BRWD3: variants seen among roughly 807,000 people sequenced by gnomAD.
The protein encoded by BRWD3 is bromodomain and WD repeat domain containing 3, also known as bromodomain and WD repeat-containing protein 3.
Under a neutral mutation model 149.7 loss-of-function variants are expected in BRWD3, and 10 were observed. The ratio of observed to expected loss-of-function variants is 0.07; its 90% CI spans 0.04 to 0.11. The LOEUF is 0.11. Ranked by LOEUF, BRWD3 falls within the 10% of genes least tolerant of loss-of-function variation. BRWD3 has a pLI of 1.00. For missense variants in BRWD3, 940 were observed against 1,373.2 expected, an observed-to-expected ratio of 0.68 and a Z score of 4.99; for synonymous variants, 504 against 456.7, an observed-to-expected ratio of 1.10 and a Z score of -1.32.
chrX:80,715,555 C>T (rs2073064119), intron 20 of BRWD3, among the ~76,000 whole-genome samples: 2 of 111,900 alleles, frequency 1.8e-5, no homozygotes, highest in Admixed American at 1.9e-4. Flanking sequence ...ATATACAGAT[C>T]ATATTTTGCT....
intron 4 of BRWD3, among the ~76,000 whole-genome samples, chrX:80,800,284 G>A: frequency 9.7e-6 from 1 of 103,591 alleles, no homozygotes; most frequent in Admixed American, 1.1e-4. Flanking sequence ...AAAACCCCAG[G>A]GTACAGTGGC....
Position 80,793,604 on chromosome X carries a change from A to G in BRWD3, c.331+18T>C, listed in dbSNP as rs1227575546. On this transcript the variant is annotated intron_variant, in intron 5 of 40. Transcript: ENST00000373275. Reference sequence around the variant, plus strand: ...CTCCTTCCTCTGATATCACAGTCCTAAATTCTGAAAATCTCACCTTTGGCA... The same window carrying G: ...CTCCTTCCTCTGATATCACAGTCCTGAATTCTGAAAATCTCACCTTTGGCA... 1.7e-6 allele frequency: 2 copies of G among 1,203,734 alleles called. No individual in the cohort carries two copies. The highest frequency in any genetic ancestry group is 1.8e-5 in the South Asian group (1 of 56,579).
chrX:80,701,659 T>G (rs1602322430), intron 24 of BRWD3, among the ~76,000 whole-genome samples: 1 of 105,572 alleles, frequency 9.5e-6, no homozygotes, highest in African/African-American at 3.5e-5. Context: ...ACTCTACCAA[T>G]CAATACTAGG....
At chrX:80,724,864 A>C in intron 15 of BRWD3, 69 bp downstream of exon 15, 1 of 1,146,259 alleles carries the variant, frequency 8.7e-7, no homozygotes, top group Non-Finnish European at 1.2e-6. Context: ...GGTATACTTT[A>C]ATTAACCAAG....
intron 35 of BRWD3, among the ~76,000 whole-genome samples, chrX:80,685,874 T>C (rs1254858711): frequency 9.0e-6 from 1 of 111,653 alleles, no homozygotes; most frequent in Non-Finnish European, 1.9e-5. Context: ...ATTTCTAAAA[T>C]AGTGCTGTAC....
chrX:80,781,535 A>G (rs1022966835), intron 6 of BRWD3, among the ~76,000 whole-genome samples: 4 of 110,666 alleles, frequency 3.6e-5, no homozygotes, highest in Non-Finnish European at 7.6e-5. Flanking sequence ...GCTGTTGGGG[A>G]GGTTGGCCGA....
intron 4 of BRWD3, among the ~76,000 whole-genome samples, chrX:80,806,705 T>C (rs763538702): frequency 2.0e-4 from 23 of 112,432 alleles, no homozygotes; most frequent in African/African-American, 6.8e-4. Context: ...TCAAATCATA[T>C]CGTACCTTAA....
At chrX:80,698,153 ATTGT>A (rs1185734855) in intron 25 of BRWD3, among the ~76,000 whole-genome samples, 5 of 111,136 alleles carry the variant, frequency 4.5e-5, no homozygotes, top group Admixed American at 9.6e-5. Context: ...TTTAAATGAG[ATTGT>A]TTGTTTTTTT....
At chrX:80,795,458 T>C (rs1414797780) in intron 4 of BRWD3, among the ~76,000 whole-genome samples, 1 of 110,111 alleles carries the variant, frequency 9.1e-6, no homozygotes, top group Non-Finnish European at 1.9e-5. Context: ...TATGTGTATA[T>C]GTATAGATAC....
At chrX:80,708,884 A>G (rs1369021124) in intron 21 of BRWD3, among the ~76,000 whole-genome samples, 1 of 111,833 alleles carries the variant, frequency 8.9e-6, no homozygotes, top group Non-Finnish European at 1.9e-5. Context: ...GCATGATTAA[A>G]CCTTCATTAT....
rs748889698 is a variant in BRWD3, at chrX:80,700,433, G to GATATATATATAT, written c.2836-370_2836-369insATATATATATAT. Among the ~76,000 whole-genome samples, 19 of 55,614 alleles carry GATATATATATAT rather than the reference G, an allele frequency of 3.4e-4. 1 individual carries two copies. Among genetic ancestry groups the GATATATATATAT allele is most frequent in the Admixed American group, 1.2e-3 (4 of 3,431 alleles). 48.3% of individuals were successfully genotyped at this position (55,614 alleles called of 115,157 possible). A position where few individuals can be genotyped will look rare whatever the true frequency, so the allele number is the denominator to read the frequency against. On this transcript the variant is annotated intron_variant, in intron 24 of 40. Coordinates refer to ENST00000373275, the MANE Select transcript of BRWD3 (RefSeq NM_153252.5). Reference sequence around the variant, plus strand: ...AATCAACTGCAGATTGAAAATATTTGATATATATAACAATACAATTAGGCC... The same window carrying GATATATATATAT: ...AATCAACTGCAGATTGAAAATATTTGATATATATATATATATATATAACAATACAATTAGGCC...
In BRWD3 at chrX:80,707,462, A is replaced by G; in HGVS notation, c.2517T>C (p.Asp839=). ...TTTCACTTTGCCATTCAACAACAGG[A>G]TCCTCTACCGAAGCGTCACTTGTGC... ...TVGTSDASVE[D]PVVEWQSESS... The change falls in exon 22 of 41, where the codon GAT becomes GAC. Residue 839 remains aspartate, a synonymous_variant. Transcript: ENST00000373275. The G allele has an allele frequency of 6.6e-6, 8 of 1,211,902 alleles. No individual in the cohort carries two copies. The highest frequency in any genetic ancestry group is 8.9e-6 in the Non-Finnish European group (8 of 895,303).
In BRWD3 at chrX:80,691,887, C is replaced by A; in HGVS notation, c.3417G>T (p.Gly1139=). The change falls in exon 30 of 41, where the codon GGG becomes GGT. Residue 1139 remains glycine (G), a synonymous_variant. Transcript: ENST00000373275. The part of the protein sequence containing the change: ...LLYKPQEGEW[G]AHSRDEECER... ...CACATTCTTCGTCTCTGGAATGAGC[C>A]CCCCACTCTCCTTCCTGGGGTTTGT... is the stretch of plus-strand genomic sequence containing the variant. 2 of 1,210,233 alleles carry A rather than the reference C, an allele frequency of 1.7e-6. No homozygotes were observed. The highest frequency in any genetic ancestry group is 2.2e-6 in the Non-Finnish European group (2 of 895,001).
At chrX:80,802,442 TAAAAAAAAAAA>T (rs760675783) in intron 4 of BRWD3, among the ~76,000 whole-genome samples, 7 of 48,884 alleles carry the variant, frequency 1.4e-4, no homozygotes, top group East Asian at 1.3e-3. Context: ...ACTCTCATCT[TAAAAAAAAAAA>T]AAAAAAAAAA....
intron 6 of BRWD3, among the ~76,000 whole-genome samples, chrX:80,765,901 T>C (rs2073853461): frequency 9.0e-6 from 1 of 111,699 alleles, no homozygotes; most frequent in African/African-American, 3.3e-5. Context: ...TGGAGGATTA[T>C]TTATTTATTT....
intron 20 of BRWD3, among the ~76,000 whole-genome samples, chrX:80,713,370 C>G (rs752313217): frequency 8.9e-5 from 10 of 112,313 alleles, no homozygotes; most frequent in Middle Eastern, 9.2e-3. Context: ...GCCTTGGGAT[C>G]CTGTTGATCT....
In BRWD3 at chrX:80,735,307, A is replaced by T. The variant is rs907229646; in HGVS notation, c.915-110T>A. 2.5e-5 allele frequency: 15 copies of T among 609,815 alleles called. No homozygotes were observed. The African/African-American group carries it at 3.3e-4, about 14-fold the overall frequency. 50.3% of individuals were successfully genotyped at this position (609,815 alleles called of 1,213,427 possible). A position where few individuals can be genotyped will look rare whatever the true frequency, so the allele number is the denominator to read the frequency against. ...ATTTAGCATCAATATTATAGAAAAA[A>T]CAAAAGGAACGTGGTCAATAAGTAC... is the stretch of plus-strand genomic sequence containing the variant. On this transcript the variant is annotated intron_variant, in intron 9 of 40. Transcript: ENST00000373275.
chrX:80,742,995 C>T (rs1289372780), intron 8 of BRWD3, among the ~76,000 whole-genome samples: 4 of 111,484 alleles, frequency 3.6e-5, no homozygotes, highest in African/African-American at 6.5e-5. Flanking sequence ...GGAATGCTTC[C>T]AGTTTTTGTC....
At chrX:80,772,001 C>A (rs764570489) in intron 6 of BRWD3, among the ~76,000 whole-genome samples, 2 of 111,548 alleles carry the variant, frequency 1.8e-5, no homozygotes, top group Admixed American at 9.5e-5. Flanking sequence ...AAAATAGGAA[C>A]GCTTTTACAC....
Sources: gnomAD v4.1 joint callset for allele counts (sites outside exome capture counted in the v4.1 genomes callset) on GRCh38, gnomAD v4.1.1 for gene constraint, MANE v1.5 for transcripts, NCBI Gene and HGNC (gene_info 2026-07-23, HGNC 2026-07-21) for gene names.